LPP: variants seen among roughly 807,000 people sequenced by gnomAD.
LPP encodes LIM domain containing preferred translocation partner in lipoma, also known as lipoma-preferred partner.
Under a neutral mutation model 60.4 loss-of-function variants are expected in LPP, and 38 were observed. The observed-to-expected ratio is 0.63, with a 90% CI of 0.49 to 0.83. The LOEUF is 0.83. LPP is among the 40% of genes least tolerant of loss of function. The pLI is 0.00. For missense variants in LPP, 902 were observed against 783.6 expected, an observed-to-expected ratio of 1.15 and a Z score of -1.80; for synonymous variants, 328 against 290.8, an observed-to-expected ratio of 1.13 and a Z score of -1.30.
intron 6 of LPP, among the ~76,000 whole-genome samples, chr3:188,577,815 C>G (rs1490193092): frequency 1.4e-4 from 14 of 96,580 alleles, no homozygotes; most frequent in African/African-American, 4.6e-4. Flanking sequence ...CCTTCCTCCC[C>G]TCCCCTCCCC....
intron 8 of LPP, among the ~76,000 whole-genome samples, chr3:188,753,957 T>C (rs1322271916): frequency 3.3e-5 from 5 of 152,126 alleles, no homozygotes; most frequent in Admixed American, 6.5e-5. Context: ...TTTTAAGATA[T>C]GATAAAAACT....
intron 9 of LPP, among the ~76,000 whole-genome samples, chr3:188,766,135 T>C (rs1488676681): frequency 6.6e-6 from 1 of 151,946 alleles, no homozygotes; most frequent in Non-Finnish European, 1.5e-5. Context: ...CCTCCCAAAG[T>C]GCTTGGATTA....
At chr3:188,511,606 A>C (rs1188103302) in intron 5 of LPP, among the ~76,000 whole-genome samples, 1 of 151,898 alleles carries the variant, frequency 6.6e-6, no homozygotes, top group Non-Finnish European at 1.5e-5. Flanking sequence ...TTTGGAGCAA[A>C]ATGTTTGATT....
At chr3:188,294,150 A>G (rs1182523633) in intron 2 of LPP, among the ~76,000 whole-genome samples, 2 of 151,436 alleles carry the variant, frequency 1.3e-5, no homozygotes, top group African/African-American at 4.9e-5. Flanking sequence ...AGGCAAATCT[A>G]TAGAGTCTGT....
chr3:188,525,635 C>T (rs556333547), intron 6 of LPP, among the ~76,000 whole-genome samples: 38 of 152,270 alleles, frequency 2.5e-4, no homozygotes, highest in Non-Finnish European at 4.9e-4. Flanking sequence ...CTACAGGGGA[C>T]ATATTTGTGT....
intron 5 of LPP, among the ~76,000 whole-genome samples, chr3:188,518,029 ATGAGTAAACGCTTTC>A (rs941060791): frequency 1.3e-5 from 2 of 152,084 alleles, no homozygotes; most frequent in African/African-American, 4.8e-5. Flanking sequence ...ACCTTCCTCC[ATGAGTAAACGCTTTC>A]TGAGGCCCTC....
chr3:188,160,732 A>C (rs1718015937), intron 1 of LPP, among the ~76,000 whole-genome samples: 1 of 152,344 alleles, frequency 6.6e-6, no homozygotes, highest in South Asian at 2.1e-4. Context: ...ACTGTATGCC[A>C]GGCAGAAATG....
chr3:188,660,025 T>TA (rs1395978487), intron 7 of LPP, among the ~76,000 whole-genome samples: 1 of 152,136 alleles, frequency 6.6e-6, no homozygotes, highest in Non-Finnish European at 1.5e-5. Flanking sequence ...CACGAGAGAA[T>TA]AAAATGAATG....
chr3:188,516,489 G>A (rs887493897), intron 5 of LPP, among the ~76,000 whole-genome samples: 2 of 151,750 alleles, frequency 1.3e-5, no homozygotes, highest in African/African-American at 4.9e-5. Flanking sequence ...CTATTATTTG[G>A]TGTGTCAATT....
chr3:188,845,182 G>A (rs963872781), intron 9 of LPP, among the ~76,000 whole-genome samples: 1 of 152,194 alleles, frequency 6.6e-6, no homozygotes, highest in Admixed American at 6.5e-5. Context: ...CCTGGTTCAT[G>A]CCATTTTCTA....
chr3:188,843,653 G>A (rs917497230), intron 9 of LPP, among the ~76,000 whole-genome samples: 3 of 150,248 alleles, frequency 2.0e-5, no homozygotes, highest in South Asian at 2.1e-4. Context: ...CGGGCGCAGT[G>A]GGGGGCGCCT....
chr3:188,470,393 A>G (rs1801560805), intron 4 of LPP, among the ~76,000 whole-genome samples: 1 of 151,830 alleles, frequency 6.6e-6, no homozygotes, highest in African/African-American at 2.4e-5. Context: ...TTTAAAGACT[A>G]ATTTATTGGG....
chr3:188,511,874 G>A (rs1815787567), intron 5 of LPP, among the ~76,000 whole-genome samples: 5 of 152,180 alleles, frequency 3.3e-5, no homozygotes, highest in Admixed American at 3.3e-4. Context: ...GTCCCAGGCT[G>A]TGTGCAGTGG....
chr3:188,164,635 T>C (rs1454454990), intron 1 of LPP, among the ~76,000 whole-genome samples: 1 of 152,004 alleles, frequency 6.6e-6, no homozygotes, highest in Non-Finnish European at 1.5e-5. Flanking sequence ...GCCAGGCAGG[T>C]AAGTGACACC....
rs1245105958 is a variant in LPP, at chr3:188,610,401, G to A, written c.1113+557G>A. On this transcript the variant is annotated intron_variant, in intron 7 of 11. Transcript: ENST00000617246. This position sits in a 1 kb window ranked among gnomAD's most constrained non-coding sequence, Gnocchi z 4.4. ...TGCTGGGCCAGAACAAGTGGCCAAG[G>A]ACCCAGGAAATGGGTGAGGCCAAGC... Among the ~76,000 whole-genome samples, 1 of 152,220 alleles carries A rather than the reference G, an allele frequency of 6.6e-6. No individual in the cohort carries two copies. The highest frequency in any genetic ancestry group is 6.5e-5 in the Admixed American group (1 of 15,280).
Position 188,764,602 on chromosome 3 carries a change from G to C in LPP, c.1410+4320G>C, listed in dbSNP as rs796332388. Reference sequence around the variant, plus strand: ...TTTTTATGTTGGTATGAATATGAAGGGCAGCAACAGTGCCTCCTGCTTATG... The same window carrying C: ...TTTTTATGTTGGTATGAATATGAAGCGCAGCAACAGTGCCTCCTGCTTATG... On this transcript the variant is annotated intron_variant, in intron 9 of 11. Transcript: ENST00000617246. 1.2e-4 allele frequency among the ~76,000 whole-genome samples: 19 copies of C among 152,170 alleles called. 1 individual carries two copies. The highest frequency in any genetic ancestry group is 4.6e-4 in the African/African-American group (19 of 41,514).
intron 6 of LPP, among the ~76,000 whole-genome samples, chr3:188,600,403 T>G (rs1840895855): frequency 6.6e-6 from 1 of 151,314 alleles, no homozygotes. Flanking sequence ...TGGGAATAGA[T>G]CCTTCTAGCC....
chr3:188,718,130 G>A (rs1714841531), intron 8 of LPP, among the ~76,000 whole-genome samples: 1 of 152,206 alleles, frequency 6.6e-6, no homozygotes. Flanking sequence ...CCTGGCTAAT[G>A]TGTTTTTAAG....
At chr3:188,593,168 G>GTGTA (rs1466728906) in intron 6 of LPP, among the ~76,000 whole-genome samples, 1 of 151,702 alleles carries the variant, frequency 6.6e-6, no homozygotes, top group African/African-American at 2.4e-5. Context: ...GTGTGTGTGT[G>GTGTA]TGTGTGTGTG....
Sources: allele counts gnomAD v4.1 joint callset (sites outside exome capture counted in the v4.1 genomes callset), GRCh38; gene constraint gnomAD v4.1.1; non-coding constraint Gnocchi (gnomAD v3.1); transcripts MANE v1.5; gene names NCBI Gene and HGNC (gene_info 2026-07-23, HGNC 2026-07-21).